FHIT: variants seen among roughly 807,000 people sequenced by gnomAD.
The protein encoded by FHIT is bis(5'-adenosyl)-triphosphatase.
In FHIT, 19 loss-of-function variants were observed where a neutral mutation model predicts 17.9. That is an observed-to-expected ratio of 1.06 (90% CI 0.74 to 1.56). The LOEUF (loss-of-function observed/expected upper bound fraction) is 1.56, where lower values mean the gene tolerates loss of function less well. Among genes scored for constraint, FHIT ranks in the 40% most tolerant of loss-of-function variants. The pLI, the probability that FHIT is intolerant of heterozygous loss-of-function variation, is 0.00. For missense variants in FHIT, 248 were observed against 189.2 expected, an observed-to-expected ratio of 1.31 and a Z score of -1.82; for synonymous variants, 81 against 69.7, an observed-to-expected ratio of 1.16 and a Z score of -0.81.
At chr3:60,152,148 T>G (rs1007120662) in intron 5 of FHIT, among the ~76,000 whole-genome samples, 4 of 152,216 alleles carry the variant, frequency 2.6e-5, no homozygotes, top group Non-Finnish European at 5.9e-5. Context: ...CACCTGTTCT[T>G]GGTTCCCTTT....
In FHIT at chr3:60,014,089, G is replaced by A. The variant is rs2106697984; in HGVS notation, c.167C>T (p.Ala56Val). 2.5e-6 allele frequency: 4 copies of A among 1,614,008 alleles called. No individual in the cohort carries two copies. Among genetic ancestry groups the A allele is most frequent in the South Asian group, 1.1e-5 (1 of 91,074 alleles). Residue 56 changes from alanine (A) to valine (V), a missense_variant, in exon 6 of 10, where the codon GCC (alanine) becomes GTC (valine). By Grantham distance (64) the Ala-to-Val change is moderately conservative. Coordinates refer to ENST00000492590, the MANE Select transcript of FHIT (RefSeq NM_002012.4). ...RFHDLRPDEV[A>V]DLFQTTQRVG... Reference sequence around the variant, plus strand: ...TCTCTGGGTCGTCTGAAACAAATCGGCCACTTCATCAGGACGCAGGTCATG... The same window carrying A: ...TCTCTGGGTCGTCTGAAACAAATCGACCACTTCATCAGGACGCAGGTCATG...
At chr3:60,528,716 C>T (rs2035664122) in intron 5 of FHIT, among the ~76,000 whole-genome samples, 1 of 152,118 alleles carries the variant, frequency 6.6e-6, no homozygotes, top group African/African-American at 2.4e-5. Flanking sequence ...CTACTGAGAC[C>T]ATGTGCATTG....
chr3:60,560,864 G>A (rs1203369432), intron 4 of FHIT, among the ~76,000 whole-genome samples: 6 of 144,198 alleles, frequency 4.2e-5, no homozygotes, highest in African/African-American at 1.3e-4. Context: ...GAGAGTGTGT[G>A]TGTGTGTGTC....
intron 2 of FHIT, among the ~76,000 whole-genome samples, chr3:61,100,641 C>A (rs1383872949): frequency 6.6e-6 from 1 of 152,212 alleles, no homozygotes; most frequent in Non-Finnish European, 1.5e-5. Flanking sequence ...GCCACACTGT[C>A]TTCCACATTG....
rs114692621 is a variant in FHIT at position 60,277,072 on chromosome 3, T to C, written c.103+259788A>G. On this transcript the variant is annotated intron_variant, in intron 5 of 9. Coordinates refer to ENST00000492590, the MANE Select transcript of FHIT (RefSeq NM_002012.4). ...AGAACTTTCAGTTACTTAAAAAAAA[T>C]CTTGCTGACATCTTAATTACCTGCT... Among the ~76,000 whole-genome samples the C allele has an allele frequency of 7.0e-3, 1,072 of 152,192 alleles. 12 individuals carry two copies. The highest frequency in any genetic ancestry group is 0.01 in the Non-Finnish European group (698 of 68,000).
At chr3:61,109,519 T>C (rs1215838152) in intron 2 of FHIT, among the ~76,000 whole-genome samples, 2 of 152,132 alleles carry the variant, frequency 1.3e-5, no homozygotes, top group African/African-American at 2.4e-5. Flanking sequence ...CTGGTTCTCC[T>C]GTCCAGCCCA....
intron 5 of FHIT, among the ~76,000 whole-genome samples, chr3:60,374,952 G>C (rs1457917898): frequency 6.6e-6 from 1 of 152,042 alleles, no homozygotes; most frequent in Non-Finnish European, 1.5e-5. Context: ...TAATGCACAT[G>C]ATAAAGAGTT....
At chr3:61,226,566 G>A (rs1412682003) in intron 1 of FHIT, among the ~76,000 whole-genome samples, 1 of 151,844 alleles carries the variant, frequency 6.6e-6, no homozygotes, top group African/African-American at 2.4e-5. Context: ...AGATACAATC[G>A]TGATGACATT....
chr3:60,569,734 T>TATATATATCTATATATAC (rs2037290046), intron 4 of FHIT, among the ~76,000 whole-genome samples: 1 of 44,110 alleles, frequency 2.3e-5, no homozygotes, highest in Non-Finnish European at 4.1e-5. Flanking sequence ...ACTATATATA[T>TATATATATCTATATATAC]ATATATATAT....
intron 2 of FHIT, among the ~76,000 whole-genome samples, chr3:61,160,398 G>A (rs186613157): frequency 1.4e-4 from 22 of 152,312 alleles, no homozygotes; most frequent in Non-Finnish European, 2.4e-4. Context: ...AAGATAGGAC[G>A]TTGGAAATTT....
At chr3:60,436,344 C>G (rs2030236303) in intron 5 of FHIT, among the ~76,000 whole-genome samples, 1 of 152,038 alleles carries the variant, frequency 6.6e-6, no homozygotes, top group African/African-American at 2.4e-5. Context: ...GCCACCACAC[C>G]CAGCCAGTAC....
At chr3:60,204,811 AAATGT>A (rs1397774088) in intron 5 of FHIT, among the ~76,000 whole-genome samples, 1 of 152,166 alleles carries the variant, frequency 6.6e-6, no homozygotes, top group East Asian at 1.9e-4. Context: ...AGGCTTTATG[AAATGT>A]AATGTAACAA....
intron 5 of FHIT, among the ~76,000 whole-genome samples, chr3:60,481,407 G>A (rs571671488): frequency 5.9e-5 from 9 of 152,230 alleles, no homozygotes; most frequent in Non-Finnish European, 1.2e-4. Context: ...AGGAAAGAAT[G>A]TTAAGGGCAG....
At chr3:60,129,105 T>G (rs1464545056) in intron 5 of FHIT, among the ~76,000 whole-genome samples, 1 of 138,990 alleles carries the variant, frequency 7.2e-6, no homozygotes, top group Admixed American at 8.3e-5. Flanking sequence ...CAGACTGGAG[T>G]GCAGTGGCGC....
intron 5 of FHIT, among the ~76,000 whole-genome samples, chr3:60,276,656 A>C (rs1465614975): frequency 6.6e-6 from 1 of 152,148 alleles, no homozygotes; most frequent in African/African-American, 2.4e-5. Flanking sequence ...AGACTGGGTA[A>C]TTTTTAAAGA....
rs755398008 is a variant in FHIT, at chr3:59,871,434, T to C, written c.348+50912A>G. On this transcript the variant is annotated intron_variant, in intron 8 of 9. Coordinates refer to ENST00000492590, the MANE Select transcript of FHIT (RefSeq NM_002012.4). ...GTAGCCCTACTACAATCCTGTAACA[T>C]AGTATCCTTACCCACCCCCCCACAC... Among the ~76,000 whole-genome samples, 6 of 152,234 alleles carry C rather than the reference T, an allele frequency of 3.9e-5. No homozygotes were observed. The East Asian group carries it at 7.7e-4, about 20-fold the overall frequency.
At chr3:60,272,850 G>C (rs1467180102) in intron 5 of FHIT, among the ~76,000 whole-genome samples, 2 of 152,176 alleles carry the variant, frequency 1.3e-5, no homozygotes, top group Non-Finnish European at 2.9e-5. Context: ...AAACATGATA[G>C]CTCCTGCATC....
intron 2 of FHIT, among the ~76,000 whole-genome samples, chr3:61,106,687 A>G (rs2035998374): frequency 6.6e-6 from 1 of 151,998 alleles, no homozygotes; most frequent in Non-Finnish European, 1.5e-5. Context: ...TTTGAGATGG[A>G]GTCTCGCTCT....
intron 5 of FHIT, among the ~76,000 whole-genome samples, chr3:60,117,730 T>C (rs960759384): frequency 6.6e-6 from 1 of 152,008 alleles, no homozygotes; most frequent in Non-Finnish European, 1.5e-5. Flanking sequence ...GCTGATTCCA[T>C]TAAAAAGTTG....
Sources: gnomAD v4.1 joint callset for allele counts (sites outside exome capture counted in the v4.1 genomes callset) on GRCh38, gnomAD v4.1.1 for gene constraint, MANE v1.5 for transcripts, NCBI Gene and HGNC (gene_info 2026-07-23, HGNC 2026-07-21) for gene names.